DOCK9: variants seen among roughly 807,000 people sequenced by gnomAD.
The protein encoded by DOCK9 is dedicator of cytokinesis protein 9.
DOCK9 carries 89 observed loss-of-function variants against 263.3 expected under a neutral mutation model. That is an observed-to-expected ratio of 0.34 (90% CI 0.28 to 0.40). The LOEUF is 0.40. Among genes scored for constraint, DOCK9 ranks in the 10% least tolerant of loss-of-function variants. The probability of loss-of-function intolerance (pLI) is 1.00; values close to 1 mark genes in which losing one functional copy is unlikely to be tolerated. For missense variants in DOCK9, 2,140 were observed against 2,603.4 expected, an observed-to-expected ratio of 0.82 and a Z score of 3.87; for synonymous variants, 976 against 973.1, an observed-to-expected ratio of 1.00 and a Z score of -0.06.
At chr13:99,079,807 A>C (rs1315349544) in intron 1 of DOCK9, among the ~76,000 whole-genome samples, 1 of 152,184 alleles carries the variant, frequency 6.6e-6, no homozygotes. Flanking sequence ...TGGGATGCCG[A>C]AGTGGGTGAA....
chr13:98,975,652 T>C (rs140574750), intron 1 of DOCK9, among the ~76,000 whole-genome samples: 109 of 152,340 alleles, frequency 7.2e-4, no homozygotes, highest in African/African-American at 2.3e-3. Flanking sequence ...CCTACTTCTA[T>C]ACTACACGCA....
chr13:99,033,226 G>T (rs1270597945), intron 1 of DOCK9, among the ~76,000 whole-genome samples: 1 of 152,128 alleles, frequency 6.6e-6, no homozygotes, highest in Non-Finnish European at 1.5e-5. Context: ...CAGTAGTAGA[G>T]AAGGCAAAAA....
At chr13:98,865,092 T>C (rs1341401635) in intron 30 of DOCK9, among the ~76,000 whole-genome samples, 2 of 152,174 alleles carry the variant, frequency 1.3e-5, no homozygotes, top group African/African-American at 4.8e-5. Flanking sequence ...TCTTGCTCTG[T>C]TGCTCAGGCT....
At chr13:98,841,969 A>T (rs2093235894) in intron 38 of DOCK9, among the ~76,000 whole-genome samples, 1 of 152,124 alleles carries the variant, frequency 6.6e-6, no homozygotes, top group South Asian at 2.1e-4. Context: ...TATTTTGAGT[A>T]TATGTTTAAA....
At chr13:98,807,115 C>T (rs1472067068) in intron 48 of DOCK9, among the ~76,000 whole-genome samples, 1 of 152,142 alleles carries the variant, frequency 6.6e-6, no homozygotes, top group Non-Finnish European at 1.5e-5. Context: ...GGGTGGGACA[C>T]ACAAAGGTAC....
At chr13:98,886,656 C>T (rs753243164) in intron 18 of DOCK9, 32 bp from the exon 19 acceptor site, 12 of 1,581,362 alleles carry the variant, frequency 7.6e-6, no homozygotes, top group African/African-American at 1.3e-5. Context: ...GGAAACATCA[C>T]GGTTCGATTA....
chr13:98,926,009 C>G, intron 3 of DOCK9, 90 bp from the exon 4 acceptor site: 1 of 1,092,098 alleles, frequency 9.2e-7, no homozygotes, highest in Non-Finnish European at 1.3e-6. Flanking sequence ...AAGGCATACC[C>G]ATAGAAACAT....
chr13:98,797,139 C>T lies in DOCK9; in HGVS notation c.6132G>A (p.Glu2044=). ...CCTGCTCATGCATGATTTCAGAAAGCTCCTTCGCCATTTCCCTGTAGTTGG... is the reference window on the plus strand; with the variant it reads ...CCTGCTCATGCATGATTTCAGAAAGTTCCTTCGCCATTTCCCTGTAGTTGG... The part of the protein sequence containing the change: ...MKANYREMAK[E]LSEIMHEQIC... The change falls in exon 52 of 53, where the codon GAG becomes GAA. Residue 2044 remains glutamate (E), a synonymous_variant. Coordinates refer to ENST00000682017, the MANE Select transcript of DOCK9 (RefSeq NM_001366683.2). 1 of 1,614,014 alleles carries T rather than the reference C, an allele frequency of 6.2e-7. No homozygotes were observed. Among genetic ancestry groups the T allele is most frequent in the Non-Finnish European group, 8.5e-7 (1 of 1,179,894 alleles).
At chr13:99,033,200 A>G (rs1887527295) in intron 1 of DOCK9, among the ~76,000 whole-genome samples, 1 of 152,266 alleles carries the variant, frequency 6.6e-6, no homozygotes, top group South Asian at 2.1e-4. Context: ...TATATAGCAT[A>G]TCATTCAGGC....
chr13:98,879,718 AG>A (rs1026248821), intron 27 of DOCK9, among the ~76,000 whole-genome samples, 179 bp downstream of exon 27: 4 of 152,206 alleles, frequency 2.6e-5, no homozygotes, highest in Admixed American at 6.5e-5. Context: ...TCTATAAAAT[AG>A]GTAAGAACAG....
intron 45 of DOCK9, among the ~76,000 whole-genome samples, chr13:98,816,804 G>A (rs1197427577): frequency 2.0e-5 from 3 of 152,022 alleles, no homozygotes; most frequent in African/African-American, 7.3e-5. Flanking sequence ...GCAAAGGCAA[G>A]AGGGTGAAGG....
chr13:98,983,254 T>A (rs1421331811), intron 1 of DOCK9, among the ~76,000 whole-genome samples: 1 of 152,064 alleles, frequency 6.6e-6, no homozygotes, highest in South Asian at 2.1e-4. Flanking sequence ...TAAGAAAAAA[T>A]GCAAAAGAAA....
Position 98,863,379 on chromosome 13 carries a change from A to G in DOCK9, c.3456T>C (p.Tyr1152=), listed in dbSNP as rs755589450. 4 of 1,613,798 alleles carry G rather than the reference A, an allele frequency of 2.5e-6. No individual in the cohort carries two copies. The highest frequency in any genetic ancestry group is 4.5e-5 in the East Asian group (2 of 44,886). The change falls in exon 31 of 53, where the codon TAT becomes TAC. Residue 1152 remains tyrosine, a synonymous_variant. Transcript: ENST00000682017. ...ATTGGGGACCACTCACCCTTGAAGC[A>G]TATCTGTCATCAAAAGAATGCTTTA... The part of the protein sequence containing the change: ...LLIKHSFDDR[Y]ASRSHQARIA...
At chr13:98,863,579 G>C in intron 30 of DOCK9, 31 bp from the exon 31 acceptor site, 1 of 1,566,818 alleles carries the variant, frequency 6.4e-7, no homozygotes, top group Non-Finnish European at 8.7e-7. Flanking sequence ...ACTTGAGTTA[G>C]GAAAGATGCA....
intron 27 of DOCK9, among the ~76,000 whole-genome samples, chr13:98,868,716 T>C (rs1040253550): frequency 3.3e-5 from 5 of 152,218 alleles, no homozygotes; most frequent in Non-Finnish European, 5.9e-5. Flanking sequence ...GATCAGCCAC[T>C]GTACTCCAGC....
chr13:99,000,014 A>C (rs925341246), intron 1 of DOCK9, among the ~76,000 whole-genome samples: 2 of 152,222 alleles, frequency 1.3e-5, no homozygotes, highest in Non-Finnish European at 2.9e-5. Flanking sequence ...AGCAACAATA[A>C]GACGATATAC....
At chr13:98,905,538 A>C (rs2048954443) in intron 9 of DOCK9, among the ~76,000 whole-genome samples, 1 of 152,170 alleles carries the variant, frequency 6.6e-6, no homozygotes, top group Non-Finnish European at 1.5e-5. Context: ...GGGACAAGTC[A>C]CACCTGAGCA....
intron 25 of DOCK9, 111 bp downstream of exon 25, chr13:98,881,447 C>T: frequency 1.2e-6 from 1 of 815,762 alleles, no homozygotes; most frequent in Non-Finnish European, 1.9e-6. Flanking sequence ...GAAGAGAAAG[C>T]ATACGTTACA....
chr13:98,860,412 G>T lies in DOCK9; in HGVS notation c.3690C>A (p.Ser1230=), dbSNP rs1390937330. ...SLHKDLLGAI[S]GIASPYTTST... ...AAGAGCATGGAGCGTTACCAATGCC[G>T]GAGATGGCGCCCAGCAGGTCCTTGT... is the stretch of plus-strand genomic sequence containing the variant. The change falls in exon 33 of 53, where the codon TCC becomes TCA. Residue 1230 remains serine (S), a synonymous_variant. Transcript: ENST00000682017. 2.5e-6 allele frequency: 4 copies of T among 1,585,720 alleles called. No homozygotes were observed. The highest frequency in any genetic ancestry group is 3.4e-6 in the Non-Finnish European group (4 of 1,164,728).
Sources: allele counts gnomAD v4.1 joint callset (sites outside exome capture counted in the v4.1 genomes callset), GRCh38; gene constraint gnomAD v4.1.1; transcripts MANE v1.5; gene names NCBI Gene and HGNC (gene_info 2026-07-23, HGNC 2026-07-21).